Variants in NEO1 observed in about 807,000 individuals in gnomAD.
NEO1 encodes the protein neogenin 1.
NEO1 carries 63 observed loss-of-function variants against 159.7 expected under a neutral mutation model. The observed-to-expected ratio is 0.39, with a 90% CI of 0.32 to 0.49. The LOEUF is 0.49. NEO1 is among the 20% of genes least tolerant of loss of function. The probability of loss-of-function intolerance (pLI) is 0.85; values close to 1 mark genes in which losing one functional copy is unlikely to be tolerated. For synonymous variants in NEO1, 633 were observed against 662.0 expected (o/e 0.96, Z 0.67); for missense variants, 1,615 against 1,831.0 (o/e 0.88, Z 2.15).
intron 1 of NEO1, among the ~76,000 whole-genome samples, chr15:73,111,824 G>A (rs915345429): frequency 2.0e-5 from 3 of 152,024 alleles, no homozygotes; most frequent in African/African-American, 7.3e-5. Flanking sequence ...TGGTAGAGAT[G>A]GGGTTTAGAC....
At chr15:73,129,107 C>T (rs376663598) in intron 4 of NEO1, among the ~76,000 whole-genome samples, 3 of 152,194 alleles carry the variant, frequency 2.0e-5, no homozygotes, top group Non-Finnish European at 4.4e-5. Context: ...TCACATTGGT[C>T]TTTCCAGACT....
Position 73,065,716 on chromosome 15 carries a change from T to C in NEO1, c.130+12911T>C, listed in dbSNP as rs547764654. Among the ~76,000 whole-genome samples the C allele has an allele frequency of 4.2e-4, 64 of 152,216 alleles. 1 individual carries two copies. Among genetic ancestry groups the C allele is most frequent in the Non-Finnish European group, 6.6e-4 (45 of 68,034 alleles). ...GTATTTATCCCGCTTATTGAGCTTG[T>C]TGTATGTGTGGGCTGATCACTTTCA... On this transcript the variant is annotated intron_variant, in intron 1 of 28. Transcript: ENST00000261908.
chr15:73,183,757 A>G (rs922071359), intron 7 of NEO1, among the ~76,000 whole-genome samples: 11 of 141,340 alleles, frequency 7.8e-5, no homozygotes, highest in African/African-American at 2.4e-4. Flanking sequence ...AGAGGAAAGG[A>G]AAAAAAAAGA....
rs2039975897 is a variant in NEO1 at position 73,249,724 on chromosome 15, G to A, written c.1894+3G>A. 1.2e-6 allele frequency: 2 copies of A among 1,607,342 alleles called. No homozygotes were observed. Among genetic ancestry groups the A allele is most frequent in the East Asian group, 4.5e-5 (2 of 44,832 alleles). ...TGCTGTTCGAACATTGTCAGATGGT[G>A]AGTCTTTCTTCCTCTGGAACGATAT... On this transcript the variant is annotated splice_donor_region_variant and intron_variant, in intron 11 of 28. Transcript: ENST00000261908.
At chr15:73,256,670 G>A (rs2040367600) in intron 13 of NEO1, among the ~76,000 whole-genome samples, 1 of 152,144 alleles carries the variant, frequency 6.6e-6, no homozygotes, top group African/African-American at 2.4e-5. Flanking sequence ...GTCTCCAGGG[G>A]CATGTCTTTC....
At position 73,258,872 on chromosome 15, in the gene NEO1, A is replaced by C; in HGVS notation, c.2199A>C (p.Leu733=). ...WLSAETFESD[L]DETRVPEVPS... is the part of the protein sequence containing the mutation. ...CTGCTGAAACTTTTGAAAGTGACCTAGATGGTAAGAATAACAATTGGCAAG... is the reference window on the plus strand; with the variant it reads ...CTGCTGAAACTTTTGAAAGTGACCTCGATGGTAAGAATAACAATTGGCAAG... Residue 733 remains leucine (L), a synonymous_variant, in exon 14 of 29, where the codon CTA becomes CTC. Transcript: ENST00000261908. 6.2e-7 allele frequency: 1 copy of C among 1,612,934 alleles called. No individual in the cohort carries two copies. The highest frequency in any genetic ancestry group is 8.5e-7 in the Non-Finnish European group (1 of 1,178,984).
chr15:73,288,453 T>C lies in NEO1; in HGVS notation c.3551T>C (p.Ile1184Thr), dbSNP rs772547605. Residue 1184 changes from isoleucine to threonine, a missense_variant, in exon 24 of 29, where the codon ATC (isoleucine) becomes ACC (threonine). Physicochemically the swap from Ile to Thr is moderately conservative, Grantham distance 89. This residue lies in a region of NEO1 where 471 missense variants were observed against 498.9 expected (regional missense o/e 0.94). Transcript: ENST00000261908. ...PIDKSPDPNP[I>T]MTDTPIPRNS... ...GATAAGTCTCCAGACCCAAACCCCA[T>C]CATGACTGATACTCCAATTCCTCGC... The C allele has an allele frequency of 6.2e-7, 1 of 1,614,026 alleles. No individual in the cohort carries two copies. The highest frequency in any genetic ancestry group is 1.6e-4 in the Middle Eastern group (1 of 6,062).
intron 22 of NEO1, among the ~76,000 whole-genome samples, chr15:73,278,560 A>C (rs1263029709): frequency 6.6e-6 from 1 of 152,192 alleles, no homozygotes. Flanking sequence ...AAGTTCTTCC[A>C]GTGCTACTAC....
intron 1 of NEO1, among the ~76,000 whole-genome samples, chr15:73,106,101 C>T (rs2070678272): frequency 1.3e-5 from 2 of 152,178 alleles, no homozygotes; most frequent in African/African-American, 4.8e-5. Flanking sequence ...CTGGTAGTCA[C>T]TTAAAAATCC....
chr15:73,182,586 G>A (rs1473050232), intron 7 of NEO1, among the ~76,000 whole-genome samples: 2 of 152,170 alleles, frequency 1.3e-5, no homozygotes, highest in Non-Finnish European at 2.9e-5. Flanking sequence ...TGGCTGGGGA[G>A]GCCTCACAAT....
chr15:73,140,717 G>T (rs1399208599), intron 5 of NEO1, among the ~76,000 whole-genome samples: 1 of 152,144 alleles, frequency 6.6e-6, no homozygotes, highest in African/African-American at 2.4e-5. Flanking sequence ...AAATACAAAT[G>T]TAGAGTAGTC....
At chr15:73,189,661 G>A (rs3985588) in intron 7 of NEO1, among the ~76,000 whole-genome samples, 48,051 of 152,202 alleles carry the variant, frequency 0.32, 8,714 homozygotes, top group Admixed American at 0.44. Flanking sequence ...TAGGCCAGCT[G>A]GCTAGTGCTG....
At chr15:73,100,752 G>A (rs1426780747) in intron 1 of NEO1, among the ~76,000 whole-genome samples, 1 of 152,048 alleles carries the variant, frequency 6.6e-6, no homozygotes. Flanking sequence ...TCTCCTATTT[G>A]AACTTCTTTA....
At chr15:73,233,429 G>C (rs531644752) in intron 7 of NEO1, among the ~76,000 whole-genome samples, 10 of 152,210 alleles carry the variant, frequency 6.6e-5, no homozygotes, top group Non-Finnish European at 1.5e-4. Context: ...TTTGTAATGA[G>C]ATTCTAGAAA....
Position 73,288,339 on chromosome 15 carries a change from A to G in NEO1, c.3437A>G (p.Asn1146Ser). Residue 1146 changes from asparagine (N) to serine (S), a missense_variant, in exon 24 of 29, where the codon AAT (asparagine) becomes AGT (serine). By Grantham distance (46) the Asn-to-Ser change is conservative. Around this residue, in one of 3 missense-constraint regions of NEO1, gnomAD observed 471 missense variants for 498.9 expected, o/e 0.94. Coordinates refer to ENST00000261908, the MANE Select transcript of NEO1 (RefSeq NM_002499.4). The stretch of plus-strand genomic sequence containing the variant: ...AAACGAGCTGCCTGCAAATCAGTGA[A>G]TGGCTCTCATAAGTACAAAGGGAAT... Reference protein sequence around the residue: ...KKKRAACKSVNGSHKYKGNSK... With the variant: ...KKKRAACKSVSGSHKYKGNSK... 1 of 1,613,764 alleles carries G rather than the reference A, an allele frequency of 6.2e-7. No individual in the cohort carries two copies. The highest frequency in any genetic ancestry group is 8.5e-7 in the Non-Finnish European group (1 of 1,179,668).
At chr15:73,179,614 A>C (rs1452626046) in intron 7 of NEO1, among the ~76,000 whole-genome samples, 1 of 152,182 alleles carries the variant, frequency 6.6e-6, no homozygotes, top group East Asian at 1.9e-4. Flanking sequence ...GATAAAGTTT[A>C]ATACATATGC....
At chr15:73,139,905 AG>A (rs1159583466) in intron 5 of NEO1, among the ~76,000 whole-genome samples, 1 of 152,224 alleles carries the variant, frequency 6.6e-6, no homozygotes, top group Admixed American at 6.5e-5. Context: ...GGCTCTTTAC[AG>A]AAAAAGTTTG....
At chr15:73,057,481 A>G (rs1158355526) in intron 1 of NEO1, among the ~76,000 whole-genome samples, 2 of 152,190 alleles carry the variant, frequency 1.3e-5, no homozygotes, top group Non-Finnish European at 2.9e-5. Context: ...TAATTGGAGA[A>G]CAGTCAGAGG....
intron 23 of NEO1, among the ~76,000 whole-genome samples, chr15:73,287,652 C>T (rs1056286720): frequency 5.9e-5 from 9 of 152,138 alleles, no homozygotes; most frequent in Non-Finnish European, 7.3e-5. Flanking sequence ...GAGGCCAAGG[C>T]GGCAGATCAC....
Sources: allele counts gnomAD v4.1 joint callset (sites outside exome capture counted in the v4.1 genomes callset), GRCh38; gene constraint gnomAD v4.1.1; regional missense constraint gnomAD v4.1.1; transcripts MANE v1.5; gene names NCBI Gene and HGNC (gene_info 2026-07-23, HGNC 2026-07-21).